The following UNC5C variants were observed in gnomAD, a reference collection of about 807,000 sequenced individuals.
The protein encoded by UNC5C is netrin receptor UNC5C.
UNC5C carries 47 observed loss-of-function variants against 99.8 expected under a neutral mutation model. The observed-to-expected ratio is 0.47, with a 90% confidence interval of 0.37 to 0.60. The LOEUF is 0.60. Among genes scored for constraint, UNC5C ranks in the 20% least tolerant of loss-of-function variants. The pLI is 0.00. For missense variants in UNC5C, 1,062 were observed against 1,165.9 expected (o/e 0.91, Z 1.30); for synonymous variants, 487 against 452.2 (o/e 1.08, Z -0.98).
intron 3 of UNC5C, among the ~76,000 whole-genome samples, chr4:95,279,063 T>G (rs912031664): frequency 5.9e-5 from 9 of 152,136 alleles, no homozygotes; most frequent in African/African-American, 2.2e-4. Flanking sequence ...TATTTTCCTC[T>G]TTTCTCACAA....
intron 1 of UNC5C, among the ~76,000 whole-genome samples, chr4:95,374,204 A>G (rs542360964): frequency 6.6e-6 from 1 of 152,312 alleles, no homozygotes; most frequent in African/African-American, 2.4e-5. Flanking sequence ...CGGGCTCAGG[A>G]TAAGAGTGCA....
intron 10 of UNC5C, among the ~76,000 whole-genome samples, chr4:95,208,814 G>A (rs891591984): frequency 6.6e-6 from 1 of 152,146 alleles, no homozygotes; most frequent in Non-Finnish European, 1.5e-5. Context: ...AATTGCAATG[G>A]TCACTTGAAA....
rs546992199 is a variant in UNC5C at position 95,407,243 on chromosome 4, G to C, written c.125-71612C>G. Among the ~76,000 whole-genome samples, 5 of 152,148 alleles carry C rather than the reference G, an allele frequency of 3.3e-5. No homozygotes were observed. The South Asian group carries it at 8.3e-4, about 25-fold the overall frequency. On this transcript the variant is annotated intron_variant, in intron 1 of 15. Coordinates refer to ENST00000453304, the MANE Select transcript of UNC5C (RefSeq NM_003728.4). ...ACAGTATCGATTGACTATATGAAGAGAATAAAGGTGTTTTTTGGGATACGA... is the reference window on the plus strand; with the variant it reads ...ACAGTATCGATTGACTATATGAAGACAATAAAGGTGTTTTTTGGGATACGA...
At chr4:95,198,389 G>T (rs2149358821) in intron 12 of UNC5C, among the ~76,000 whole-genome samples, 1 of 152,310 alleles carries the variant, frequency 6.6e-6, no homozygotes, top group East Asian at 1.9e-4. Flanking sequence ...GAGTCTGACA[G>T]GTGGAGATCT....
intron 1 of UNC5C, among the ~76,000 whole-genome samples, chr4:95,452,328 A>C (rs1363996043): frequency 6.6e-6 from 1 of 152,146 alleles, no homozygotes; most frequent in Non-Finnish European, 1.5e-5. Context: ...GCTTGAACAC[A>C]TAAAATATTA....
chr4:95,306,394 G>T (rs1455340596), intron 2 of UNC5C, among the ~76,000 whole-genome samples: 3 of 151,924 alleles, frequency 2.0e-5, no homozygotes, highest in Non-Finnish European at 2.9e-5. Context: ...AGTAGAGATG[G>T]GGTTTCACCA....
intron 14 of UNC5C, among the ~76,000 whole-genome samples, chr4:95,176,857 A>T (rs1180843150): frequency 6.6e-6 from 1 of 152,184 alleles, no homozygotes; most frequent in African/African-American, 2.4e-5. Context: ...GCCGCCTTGC[A>T]GTTTGATCTC....
At chr4:95,250,180 G>C (rs186324919) in intron 5 of UNC5C, among the ~76,000 whole-genome samples, 1 of 152,086 alleles carries the variant, frequency 6.6e-6, no homozygotes, top group African/African-American at 2.4e-5. Flanking sequence ...AAACCTCATT[G>C]CCCCTGTGAA....
chr4:95,506,377 TAGCAC>T (rs1202132224), intron 1 of UNC5C, among the ~76,000 whole-genome samples: 3 of 152,120 alleles, frequency 2.0e-5, no homozygotes, highest in African/African-American at 7.2e-5. Flanking sequence ...TGATGCCCAA[TAGCAC>T]AGCACATTCC....
chr4:95,219,892 A>G, intron 8 of UNC5C, 93 bp downstream of exon 8: 1 of 1,349,536 alleles, frequency 7.4e-7, no homozygotes, highest in East Asian at 2.3e-5. Context: ...CATGGAGCTT[A>G]CATTCTAGCT....
chr4:95,475,669 A>G (rs1043335859), intron 1 of UNC5C, among the ~76,000 whole-genome samples: 2 of 152,082 alleles, frequency 1.3e-5, no homozygotes, highest in Non-Finnish European at 2.9e-5. Context: ...TTAAACTCAC[A>G]AAAAAGGGTT....
chr4:95,301,485 G>A (rs550826250), intron 3 of UNC5C, 121 bp downstream of exon 3: 43 of 1,384,704 alleles, frequency 3.1e-5, no homozygotes, highest in Non-Finnish European at 4.0e-5. Flanking sequence ...GTGAGTCACC[G>A]CGCCTGGCCT....
At chr4:95,236,374 A>T (rs1410156540) in intron 7 of UNC5C, among the ~76,000 whole-genome samples, 1 of 147,872 alleles carries the variant, frequency 6.8e-6, no homozygotes, top group Non-Finnish European at 1.5e-5. Flanking sequence ...ACAGGTGGGA[A>T]TTGAACGATG....
rs1553965986 is a variant in UNC5C, at chr4:95,354,468, C to CATATATATATATATATATAT, written c.125-18838_125-18837insATATATATATATATATATAT. On this transcript the variant is annotated intron_variant, in intron 1 of 15. Coordinates refer to ENST00000453304, the MANE Select transcript of UNC5C (RefSeq NM_003728.4). ...TCTATCGTATTTTACCTAACTCTTC[C>CATATATATATATATATATAT]ATATATATATATTTTTTTTTTTTTT... is the stretch of plus-strand genomic sequence containing the variant. Among the ~76,000 whole-genome samples, 428 of 98,098 alleles carry CATATATATATATATATATAT rather than the reference C, an allele frequency of 4.4e-3. 5 individuals carry two copies. Among genetic ancestry groups the CATATATATATATATATATAT allele is most frequent in the Non-Finnish European group, 6.9e-3 (368 of 53,702 alleles). The allele number at this position is 98,098 out of a possible 152,430, so 64.4% of individuals were successfully genotyped here.
chr4:95,289,303 A>G (rs1741357594), intron 3 of UNC5C, among the ~76,000 whole-genome samples: 1 of 152,180 alleles, frequency 6.6e-6, no homozygotes, highest in Non-Finnish European at 1.5e-5. Context: ...CAAACTCCAA[A>G]TATCAGAAAT....
chr4:95,333,016 A>G (rs530203151), intron 2 of UNC5C, among the ~76,000 whole-genome samples: 32 of 152,334 alleles, frequency 2.1e-4, no homozygotes, highest in African/African-American at 7.2e-4. Context: ...CAAAACCACA[A>G]TGAGATACCA....
intron 3 of UNC5C, among the ~76,000 whole-genome samples, chr4:95,301,298 C>G (rs1171066987): frequency 7.3e-5 from 11 of 150,158 alleles, no homozygotes; most frequent in African/African-American, 2.7e-4. Flanking sequence ...TGGGTTCAGG[C>G]CATTCTCCTG....
At chr4:95,346,949 T>C (rs1028044163) in intron 1 of UNC5C, among the ~76,000 whole-genome samples, 1 of 151,872 alleles carries the variant, frequency 6.6e-6, no homozygotes, top group African/African-American at 2.4e-5. Context: ...ATAAAGGGCA[T>C]CTAAACTGGA....
intron 3 of UNC5C, among the ~76,000 whole-genome samples, chr4:95,288,195 G>T (rs573596074): frequency 6.6e-6 from 1 of 151,868 alleles, no homozygotes; most frequent in Non-Finnish European, 1.5e-5. Context: ...CCATTCTCCT[G>T]CCTCAGCCTC....
Sources: gnomAD v4.1 joint callset for allele counts (sites outside exome capture counted in the v4.1 genomes callset) on GRCh38, gnomAD v4.1.1 for gene constraint, MANE v1.5 for transcripts, NCBI Gene and HGNC (gene_info 2026-07-23, HGNC 2026-07-21) for gene names.